Variants in SH3KBP1 observed in about 807,000 individuals in gnomAD.
SH3KBP1 encodes the protein SH3 domain containing kinase binding protein 1, also known as SH3 domain-containing kinase-binding protein 1.
Under a neutral mutation model 50.1 loss-of-function variants are expected in SH3KBP1, and 8 were observed. The observed-to-expected ratio is 0.16, with a 90% CI of 0.09 to 0.29. The LOEUF is 0.29. SH3KBP1 is among the 10% of genes least tolerant of loss of function. SH3KBP1 has a pLI of 1.00. For synonymous variants in SH3KBP1, 227 were observed against 218.6 expected (o/e 1.04, Z -0.34); for missense variants, 377 against 535.2 (o/e 0.70, Z 2.92).
intron 2 of SH3KBP1, among the ~76,000 whole-genome samples, chrX:19,788,224 G>A (rs1408688676): frequency 1.0e-5 from 1 of 95,927 alleles, no homozygotes; most frequent in Non-Finnish European, 2.0e-5. Context: ...AGCCATAATC[G>A]TGCCAGTGCA....
At chrX:19,573,951 C>T (rs923887586) in intron 12 of SH3KBP1, among the ~76,000 whole-genome samples, 1 of 111,372 alleles carries the variant, frequency 9.0e-6, no homozygotes, top group African/African-American at 3.3e-5. Context: ...GGATCACCTC[C>T]GAGAGGCGTT....
chrX:19,556,300 T>A, intron 13 of SH3KBP1, among the ~76,000 whole-genome samples: 1 of 110,057 alleles, frequency 9.1e-6, no homozygotes, highest in East Asian at 2.8e-4. Context: ...CTTTTTTTTT[T>A]TTTCCAAGGT....
intron 4 of SH3KBP1, among the ~76,000 whole-genome samples, chrX:19,696,685 C>A (rs753087345): frequency 9.0e-6 from 1 of 111,363 alleles, no homozygotes; most frequent in Admixed American, 9.6e-5. Context: ...TGTAATAGAG[C>A]CACTAGTAGT....
chrX:19,746,515 C>T (rs912544904), intron 2 of SH3KBP1, 74 bp from the exon 3 acceptor site: 2 of 1,007,957 alleles, frequency 2.0e-6, no homozygotes, highest in Non-Finnish European at 2.7e-6. Context: ...ATCTTAAGCT[C>T]CATCTTTCTG....
intron 3 of SH3KBP1, among the ~76,000 whole-genome samples, chrX:19,743,160 T>C (rs1033916298): frequency 1.8e-5 from 2 of 111,894 alleles, no homozygotes; most frequent in Non-Finnish European, 3.8e-5. Flanking sequence ...GTAATCCCAG[T>C]GCTCTGGGAG....
chrX:19,767,264 G>T (rs7888444), intron 2 of SH3KBP1, among the ~76,000 whole-genome samples: 14,380 of 111,359 alleles, frequency 0.13, 755 homozygotes, highest in African/African-American at 0.16. Context: ...CATAAGAAAT[G>T]AGTAGAATTT....
intron 3 of SH3KBP1, among the ~76,000 whole-genome samples, chrX:19,736,487 C>T (rs919128771): frequency 8.9e-6 from 1 of 112,197 alleles, no homozygotes; most frequent in African/African-American, 3.3e-5. Flanking sequence ...CAGAGAAACA[C>T]AAATGCGACA....
intron 8 of SH3KBP1, among the ~76,000 whole-genome samples, chrX:19,610,970 G>A (rs1415820286): frequency 9.2e-6 from 1 of 109,147 alleles, no homozygotes; most frequent in Non-Finnish European, 1.9e-5. Flanking sequence ...CTGCAGCCTT[G>A]ACTTCTTGGG....
intron 5 of SH3KBP1, chrX:19,694,945 C>T (rs747779693): frequency 4.9e-5 from 52 of 1,061,185 alleles, no homozygotes; most frequent in Admixed American, 7.6e-5. Context: ...GATACACAGA[C>T]GCCCACAGTT....
At chrX:19,805,419 C>T (rs150275206) in intron 2 of SH3KBP1, among the ~76,000 whole-genome samples, 3,726 of 108,867 alleles carry the variant, frequency 0.034, 170 homozygotes, top group African/African-American at 0.12. Context: ...TAAAAATCAA[C>T]ATACTTGAAA....
At chrX:19,668,641 C>T (rs755580670) in intron 6 of SH3KBP1, among the ~76,000 whole-genome samples, 2 of 97,501 alleles carry the variant, frequency 2.1e-5, no homozygotes, top group East Asian at 3.4e-4. Context: ...TCTGAGGTCA[C>T]GAGTTTGAGA....
At chrX:19,809,764 G>A (rs1481641272) in intron 2 of SH3KBP1, among the ~76,000 whole-genome samples, 1 of 111,811 alleles carries the variant, frequency 8.9e-6, no homozygotes, top group Non-Finnish European at 1.9e-5. Flanking sequence ...CAACCAGCAA[G>A]TGCCAGATCC....
At chrX:19,583,458 C>T (rs2066446051) in intron 12 of SH3KBP1, among the ~76,000 whole-genome samples, 1 of 111,380 alleles carries the variant, frequency 9.0e-6, no homozygotes, top group African/African-American at 3.3e-5. Context: ...CCCAGCCCAC[C>T]ATTGAATTTT....
At chrX:19,640,503 T>A (rs78763818) in intron 7 of SH3KBP1, among the ~76,000 whole-genome samples, 2 of 109,460 alleles carry the variant, frequency 1.8e-5, no homozygotes, top group East Asian at 2.8e-4. Flanking sequence ...TTTTTTTTTT[T>A]AATTTTGCTT....
intron 5 of SH3KBP1, among the ~76,000 whole-genome samples, chrX:19,688,125 A>G (rs1201910588): frequency 1.8e-5 from 2 of 112,570 alleles, no homozygotes. Flanking sequence ...ACAGATTTAG[A>G]CACATTATCC....
chrX:19,838,720 C>T (rs1047240141), intron 1 of SH3KBP1, among the ~76,000 whole-genome samples: 2 of 109,695 alleles, frequency 1.8e-5, no homozygotes, highest in Non-Finnish European at 1.9e-5. Context: ...AGCCCTGTCT[C>T]TACTAAAAAT....
At chrX:19,713,458 C>T (rs1039560495) in intron 3 of SH3KBP1, among the ~76,000 whole-genome samples, 2 of 107,731 alleles carry the variant, frequency 1.9e-5, no homozygotes, top group African/African-American at 6.8e-5. Flanking sequence ...GATGGGGTCT[C>T]GCTATGTTGC....
At chrX:19,697,921 C>T (rs894662333) in intron 4 of SH3KBP1, among the ~76,000 whole-genome samples, 6 of 111,911 alleles carry the variant, frequency 5.4e-5, no homozygotes, top group African/African-American at 9.7e-5. Context: ...ACAAAATCTT[C>T]GGGAGAGAAT....
chrX:19,631,958 C>T lies in SH3KBP1; in HGVS notation c.803G>A (p.Ser268Asn), dbSNP rs11552354. 9.6e-6 allele frequency: 11 copies of T among 1,140,264 alleles called. No individual in the cohort carries two copies. In the African/African-American group the frequency reaches 1.8e-4, roughly 18 times the overall value. The allele number at this position is 1,140,264 out of a possible 1,213,427, so 94.0% of individuals were successfully genotyped here. Residue 268 changes from serine (S) to asparagine (N), a missense_variant and splice_region_variant, in exon 8 of 18, where the codon AGC becomes AAC. Ser to Asn is a conservative substitution (Grantham distance 46). This residue lies in a region of SH3KBP1 where 257 missense variants were observed against 374.2 expected (regional missense o/e 0.69). Transcript: ENST00000397821. ...SKTEMDSRTK[S>N]KDYCKVIFPY... is the part of the protein sequence containing the mutation. The stretch of plus-strand genomic sequence containing the variant: ...AAATATTACTTTGCAGTAATCCTTG[C>T]CTATAAGAAAAACAGAAAACATAAC...
Sources: allele counts gnomAD v4.1 joint callset (sites outside exome capture counted in the v4.1 genomes callset), GRCh38; gene constraint gnomAD v4.1.1; regional missense constraint gnomAD v4.1.1; transcripts MANE v1.5; gene names NCBI Gene and HGNC (gene_info 2026-07-23, HGNC 2026-07-21).